The following SORBS2 variants were observed in gnomAD, a reference collection of about 807,000 sequenced individuals.
SORBS2 encodes the protein sorbin and SH3 domain-containing protein 2.
Under a neutral mutation model 97.7 loss-of-function variants are expected in SORBS2, and 46 were observed. That is an observed-to-expected ratio of 0.47 (90% CI 0.37 to 0.60). The LOEUF (loss-of-function observed/expected upper bound fraction) is 0.60, where lower values mean the gene tolerates loss of function less well. Among genes scored for constraint, SORBS2 ranks in the 20% least tolerant of loss-of-function variants. The pLI is 0.00. For synonymous variants in SORBS2, 476 were observed against 473.4 expected, an observed-to-expected ratio of 1.01 and a Z score of -0.07; for missense variants, 1,316 against 1,282.3, an observed-to-expected ratio of 1.03 and a Z score of -0.40.
At chr4:185,780,421 C>T (rs141578597) in intron 1 of SORBS2, among the ~76,000 whole-genome samples, 2,134 of 152,248 alleles carry the variant, frequency 0.014, 14 homozygotes, top group African/African-American at 0.024. Context: ...AGCAAGCATC[C>T]GTCGGGTCAT....
At chr4:185,668,791 G>T (rs1306467870) in intron 4 of SORBS2, among the ~76,000 whole-genome samples, 1 of 152,138 alleles carries the variant, frequency 6.6e-6, no homozygotes, top group East Asian at 1.9e-4. Context: ...ATTGTTTTAG[G>T]TCTCCTTCTT....
chr4:185,949,170 A>G (rs1187769298), intron 1 of SORBS2, among the ~76,000 whole-genome samples: 3 of 152,190 alleles, frequency 2.0e-5, no homozygotes, highest in Non-Finnish European at 4.4e-5. Context: ...ACTAAACCAC[A>G]TGTGATGTTT....
At chr4:185,637,000 C>T (rs1262340527) in intron 4 of SORBS2, among the ~76,000 whole-genome samples, 2 of 152,218 alleles carry the variant, frequency 1.3e-5, no homozygotes, top group African/African-American at 4.8e-5. Context: ...AACCTCTGGG[C>T]TTCCTCTGGC....
intron 1 of SORBS2, among the ~76,000 whole-genome samples, chr4:185,826,636 T>A (rs1266601658): frequency 6.6e-6 from 1 of 152,286 alleles, no homozygotes; most frequent in East Asian, 1.9e-4. Context: ...TTTTTTCACC[T>A]AATTCACTGG....
intron 4 of SORBS2, among the ~76,000 whole-genome samples, chr4:185,644,076 G>A (rs1232199362): frequency 6.6e-6 from 1 of 152,112 alleles, no homozygotes; most frequent in Admixed American, 6.5e-5. Context: ...ATGATGAGCT[G>A]GTCCTACACT....
At chr4:185,587,968 C>A in intron 14 of SORBS2, 1 of 347,486 alleles carries the variant, frequency 2.9e-6, no homozygotes, top group Non-Finnish European at 5.3e-6. Context: ...AAAGTCAGCC[C>A]TGCTGAGGAG....
intron 1 of SORBS2, among the ~76,000 whole-genome samples, chr4:185,901,023 A>T (rs1362607871): frequency 6.6e-6 from 1 of 152,262 alleles, no homozygotes; most frequent in African/African-American, 2.4e-5. Flanking sequence ...AGGTAGATAA[A>T]CTAGGTTGCA....
chr4:185,833,946 T>C (rs2099206535), intron 1 of SORBS2, among the ~76,000 whole-genome samples: 1 of 152,194 alleles, frequency 6.6e-6, no homozygotes, highest in Non-Finnish European at 1.5e-5. Context: ...TCCTGGAACA[T>C]AACATATGCT....
intron 1 of SORBS2, among the ~76,000 whole-genome samples, chr4:185,806,606 C>T (rs958623660): frequency 3.7e-4 from 56 of 151,262 alleles, no homozygotes; most frequent in Middle Eastern, 6.8e-3. Context: ...TACAGGCGCC[C>T]GCCACTACGC....
chr4:185,633,017 C>T (rs2096932612), intron 4 of SORBS2, among the ~76,000 whole-genome samples: 1 of 152,070 alleles, frequency 6.6e-6, no homozygotes, highest in African/African-American at 2.4e-5. Flanking sequence ...ACAAATTTTA[C>T]CAGTTATGAT....
chr4:185,861,418 G>A (rs983543716), intron 1 of SORBS2, among the ~76,000 whole-genome samples: 5 of 152,048 alleles, frequency 3.3e-5, no homozygotes, highest in Non-Finnish European at 7.4e-5. Flanking sequence ...TGTGTTTTGA[G>A]TGCTTGAGAG....
intron 1 of SORBS2, among the ~76,000 whole-genome samples, chr4:185,854,431 C>G (rs1407500426): frequency 6.6e-6 from 1 of 152,130 alleles, no homozygotes. Flanking sequence ...GGCTACAGCT[C>G]ACTGTCTCAG....
At chr4:185,874,486 C>A (rs543639916) in intron 1 of SORBS2, among the ~76,000 whole-genome samples, 93 of 152,272 alleles carry the variant, frequency 6.1e-4, no homozygotes, top group Non-Finnish European at 1.1e-3. Flanking sequence ...AAGATGCATG[C>A]TGAATGACTT....
In SORBS2 at chr4:185,677,811, T is replaced by C. The variant is rs145047688; in HGVS notation, c.-46+612A>G. Among the ~76,000 whole-genome samples the C allele has an allele frequency of 6.9e-4, 105 of 152,350 alleles. 1 individual carries two copies. In the East Asian group the frequency reaches 0.018, roughly 26 times the overall value. ...TAGCTAGATTGAGTGATCATTTTCATTCCATTTAGAATGCACTTATGTTTA... is the reference window on the plus strand; with the variant it reads ...TAGCTAGATTGAGTGATCATTTTCACTCCATTTAGAATGCACTTATGTTTA... On this transcript the variant is annotated intron_variant, in intron 4 of 20. Coordinates refer to the SORBS2 transcript ENST00000284776.
At chr4:185,741,277 G>A (rs2098723375) in intron 2 of SORBS2, among the ~76,000 whole-genome samples, 1 of 151,476 alleles carries the variant, frequency 6.6e-6, no homozygotes, top group South Asian at 2.1e-4. Context: ...AAGGCAGAGA[G>A]AATAACAGAG....
intron 1 of SORBS2, among the ~76,000 whole-genome samples, chr4:185,814,666 T>G (rs1339643178): frequency 3.3e-5 from 5 of 152,206 alleles, no homozygotes; most frequent in Non-Finnish European, 7.3e-5. Context: ...CAATTCCTGC[T>G]CCTCCAAAGA....
intron 1 of SORBS2, among the ~76,000 whole-genome samples, chr4:185,888,838 A>C (rs1256553470): frequency 6.6e-6 from 1 of 152,190 alleles, no homozygotes; most frequent in African/African-American, 2.4e-5. Flanking sequence ...TCATTGTCTC[A>C]TCTGAAAACC....
At position 185,607,278 on chromosome 4, in the gene SORBS2, C is replaced by T. The variant is rs1178673696; in HGVS notation, c.2796+4502G>A. On this transcript the variant is annotated intron_variant, in intron 12 of 14. Transcript: ENST00000418609. This position sits in a 1 kb window ranked among gnomAD's most constrained non-coding sequence, Gnocchi z 5.2. ...GGGACAACCAGCCCTGGCCAGTTCC[C>T]TGGAGAGCTCCTTTATCTGAGCCAG... 1.3e-5 allele frequency: 16 copies of T among 1,278,614 alleles called. No individual in the cohort carries two copies. In the South Asian group the frequency reaches 1.9e-4, roughly 15 times the overall value. 79.2% of individuals were successfully genotyped at this position (1,278,614 alleles called of 1,614,324 possible).
chr4:185,610,574 TA>T (rs571433416), intron 12 of SORBS2, among the ~76,000 whole-genome samples: 24 of 151,238 alleles, frequency 1.6e-4, no homozygotes, highest in African/African-American at 4.4e-4. Flanking sequence ...TTCAGCCTTC[TA>T]AAAAAAAATG....
Sources: allele counts gnomAD v4.1 joint callset (sites outside exome capture counted in the v4.1 genomes callset), GRCh38; gene constraint gnomAD v4.1.1; non-coding constraint Gnocchi (gnomAD v3.1); transcripts MANE v1.5; gene names NCBI Gene and HGNC (gene_info 2026-07-23, HGNC 2026-07-21).